The following TNKS2 variants were observed in gnomAD, a reference collection of about 807,000 sequenced individuals.
The protein encoded by TNKS2 is tankyrase 2, also known as poly [ADP-ribose] polymerase tankyrase-2.
TNKS2 carries 72 observed loss-of-function variants against 137.6 expected under a neutral mutation model. The ratio of observed to expected loss-of-function variants is 0.52; its 90% confidence interval spans 0.43 to 0.64. The LOEUF (loss-of-function observed/expected upper bound fraction) is 0.64. TNKS2 is among the 30% of genes least tolerant of loss of function. TNKS2 has a pLI of 0.00. For missense variants in TNKS2, 1,049 were observed against 1,410.2 expected, an observed-to-expected ratio of 0.74 and a Z score of 4.10; for synonymous variants, 516 against 512.1, an observed-to-expected ratio of 1.01 and a Z score of -0.10.
At chr10:91,823,329 T>G (rs1214082363) in intron 7 of TNKS2, among the ~76,000 whole-genome samples, 39,821 of 88,838 alleles carry the variant, frequency 0.45, 5,823 homozygotes, top group South Asian at 0.62. Context: ...GGTTTTTTTT[T>G]TTTTTTTTTT....
In TNKS2 at chr10:91,822,293, T is replaced by C. The variant is rs959016401; in HGVS notation, c.729-3T>C. The stretch of plus-strand genomic sequence containing the variant: ...CAGGATTTTCCCCCCCTTCTCATTG[T>C]AGTGATCTGGTACCATTACACAATG... On this transcript the variant is annotated splice_region_variant and splice_polypyrimidine_tract_variant and intron_variant, in intron 6 of 26. Transcript: ENST00000371627. 7 of 1,609,300 alleles carry C rather than the reference T, an allele frequency of 4.3e-6. No individual in the cohort carries two copies. Among genetic ancestry groups the C allele is most frequent in the South Asian group, 2.2e-5 (2 of 89,848 alleles).
chr10:91,836,966 G>A lies in TNKS2; in HGVS notation c.1495G>A (p.Ala499Thr). 1 of 1,613,424 alleles carries A rather than the reference G, an allele frequency of 6.2e-7. No homozygotes were observed. The highest frequency in any genetic ancestry group is 1.3e-5 in the African/African-American group (1 of 75,022). The stretch of plus-strand genomic sequence containing the variant: ...AGAGGCAGACAGACAATTGCTGGAA[G>A]CTGCAAAGGCTGGAGATGTCGAAAC... ...NSEADRQLLE[A>T]AKAGDVETVK... The change falls in exon 13 of 27, where the codon GCT becomes ACT. Residue 499 changes from alanine (A) to threonine (T), a missense_variant. By Grantham distance (58) the Ala-to-Thr change is moderately conservative. This residue lies in a region of TNKS2 where 328 missense variants were observed against 436.0 expected (regional missense o/e 0.75). Coordinates refer to ENST00000371627, the MANE Select transcript of TNKS2 (RefSeq NM_025235.4).
chr10:91,828,665 TTTA>T (rs1407321084), intron 9 of TNKS2, among the ~76,000 whole-genome samples: 1 of 152,234 alleles, frequency 6.6e-6, no homozygotes, highest in Non-Finnish European at 1.5e-5. Context: ...ATGTAATGCT[TTTA>T]TTATCATAAG....
Position 91,828,286 on chromosome 10 carries a change from T to C in TNKS2, c.984T>C (p.Tyr328=), listed in dbSNP as rs751108770. 1.3e-6 allele frequency: 2 copies of C among 1,570,006 alleles called. No homozygotes were observed. Among genetic ancestry groups the C allele is most frequent in the South Asian group, 2.4e-5 (2 of 83,782 alleles). ...TGTAAATGCTTTTTCTTCATCTAGA[T>C]GAATTTAAAGGCCACTCGTTGCTGC... ...PTPQLKERLA[Y]EFKGHSLLQA... Residue 328 remains tyrosine (Y), a splice_region_variant and synonymous_variant, in exon 9 of 27, where the codon TAT becomes TAC. Coordinates refer to ENST00000371627, the MANE Select transcript of TNKS2 (RefSeq NM_025235.4).
intron 20 of TNKS2, 127 bp from the exon 21 acceptor site, chr10:91,851,089 A>C (rs1281371861): frequency 6.3e-6 from 8 of 1,269,662 alleles, no homozygotes; most frequent in Non-Finnish European, 1.1e-6. Flanking sequence ...AAATGGAAAT[A>C]ATATTTTTAG....
intron 2 of TNKS2, among the ~76,000 whole-genome samples, chr10:91,815,907 A>G (rs7076687): frequency 0.51 from 77,160 of 149,934 alleles, 20,332 homozygotes; most frequent in East Asian, 0.72. Flanking sequence ...TCATAATAAT[A>G]CAAATAATAA....
chr10:91,819,883 C>A, intron 5 of TNKS2, 56 bp from the exon 6 acceptor site: 1 of 1,359,946 alleles, frequency 7.4e-7, no homozygotes, highest in Non-Finnish European at 1.0e-6. Context: ...TTCCCTCTCA[C>A]ACATTTTATT....
At chr10:91,812,798 C>T in intron 1 of TNKS2, 185 bp from the exon 2 acceptor site, 1 of 985,196 alleles carries the variant, frequency 1.0e-6, no homozygotes, top group Non-Finnish European at 1.2e-6. Context: ...AGTGGAGAGT[C>T]CCTCTGGCTT....
chr10:91,838,036 ATTTTTT>A (rs71025367), intron 13 of TNKS2, among the ~76,000 whole-genome samples: 2 of 51,190 alleles, frequency 3.9e-5, no homozygotes, highest in African/African-American at 7.9e-5. Flanking sequence ...CAATTAGCTG[ATTTTTT>A]TTTTTTTTTT....
intron 6 of TNKS2, among the ~76,000 whole-genome samples, chr10:91,820,257 A>T (rs1844845848): frequency 6.6e-6 from 1 of 152,220 alleles, no homozygotes; most frequent in African/African-American, 2.4e-5. Flanking sequence ...GATACCTAAG[A>T]ATACAATGAG....
intron 7 of TNKS2, among the ~76,000 whole-genome samples, chr10:91,826,145 T>A (rs1845061035): frequency 6.6e-6 from 1 of 152,222 alleles, no homozygotes; most frequent in South Asian, 2.1e-4. Context: ...GAAATTCACT[T>A]ACGTTTCATA....
rs1003099479 is a variant in TNKS2, at chr10:91,863,575, T to A, written c.*576T>A. On this transcript the variant is annotated 3_prime_UTR_variant, in exon 27 of 27. Transcript: ENST00000371627. ...ATTTGATTCCAGAGGCTATGTTCAGTTGTTAGTTGGGAAAGATTGAGTTAT... is the reference window on the plus strand; with the variant it reads ...ATTTGATTCCAGAGGCTATGTTCAGATGTTAGTTGGGAAAGATTGAGTTAT... 3 of 152,356 alleles carry A rather than the reference T, an allele frequency of 2.0e-5. No homozygotes were observed. The highest frequency in any genetic ancestry group is 7.2e-5 in the African/African-American group (3 of 41,458). 9.4% of individuals were successfully genotyped at this position (152,356 alleles called of 1,614,324 possible). A position where few individuals can be genotyped will look rare whatever the true frequency, so the allele number is the denominator to read the frequency against.
chr10:91,842,297 G>T lies in TNKS2; in HGVS notation c.1965G>T (p.Lys655Asn). 2 of 1,614,120 alleles carry T rather than the reference G, an allele frequency of 1.2e-6. No homozygotes were observed. The highest frequency in any genetic ancestry group is 1.7e-6 in the Non-Finnish European group (2 of 1,179,998). Residue 655 changes from lysine (K) to asparagine (N), a missense_variant, in exon 16 of 27, where the codon AAG becomes AAT. Lys to Asn is a moderately conservative substitution (Grantham distance 94). Around this residue, in one of 6 missense-constraint regions of TNKS2, gnomAD observed 328 missense variants for 436.0 expected, o/e 0.75. Transcript: ENST00000371627. ...GDAALLDAAK[K>N]GCLARVKKLS... ...CAGCTTTGCTAGATGCTGCCAAGAA[G>T]GGTTGTTTAGCCAGAGTGAAGAAGT...
rs1271671316 is a variant in TNKS2, at chr10:91,841,271, A to G, written c.1674-12A>G. ...TCTTCTGTGGCATTATTGTTCATTT[A>G]TTACTTTTCAGAGGCCTTGTACCTT... is the stretch of plus-strand genomic sequence containing the variant. On this transcript the variant is annotated splice_polypyrimidine_tract_variant and intron_variant, in intron 14 of 26. Coordinates refer to ENST00000371627, the MANE Select transcript of TNKS2 (RefSeq NM_025235.4). The G allele has an allele frequency of 6.6e-7, 1 of 1,510,080 alleles. No individual in the cohort carries two copies. The highest frequency in any genetic ancestry group is 2.3e-5 in the Admixed American group (1 of 42,924). The allele number at this position is 1,510,080 out of a possible 1,614,324, so 93.5% of individuals were successfully genotyped here.
intron 21 of TNKS2, among the ~76,000 whole-genome samples, chr10:91,854,595 G>T (rs554985237): frequency 6.6e-6 from 1 of 152,228 alleles, no homozygotes; most frequent in African/African-American, 2.4e-5. Flanking sequence ...ATCACACTAT[G>T]AAATGTTTTT....
chr10:91,823,853 G>A (rs768816152), intron 7 of TNKS2, among the ~76,000 whole-genome samples: 3 of 152,058 alleles, frequency 2.0e-5, no homozygotes, highest in East Asian at 1.9e-4. Flanking sequence ...TATGAAATAC[G>A]TTTTCCCATA....
In TNKS2 at chr10:91,848,531, C is replaced by G. The variant is rs528684073; in HGVS notation, c.2507C>G (p.Ser836Cys). ...SSGPSSPSSLSAASSLDNLSG... is the reference protein window; with the variant it reads ...SSGPSSPSSLCAASSLDNLSG... ...GGTCCATCTAGCCCATCAAGCCTTT[C>G]TGCAGCCAGCAGTCTTGACAACTTA... The change falls in exon 19 of 27, where the codon TCT becomes TGT. Residue 836 changes from serine to cysteine, a missense_variant. Physicochemically the swap from Ser to Cys is moderately radical, Grantham distance 112. Coordinates refer to ENST00000371627, the MANE Select transcript of TNKS2 (RefSeq NM_025235.4). The G allele has an allele frequency of 6.2e-7, 1 of 1,614,050 alleles. No homozygotes were observed. Among genetic ancestry groups the G allele is most frequent in the African/African-American group, 1.3e-5 (1 of 74,916 alleles).
At chr10:91,826,662 G>A (rs1334353670) in intron 7 of TNKS2, among the ~76,000 whole-genome samples, 1 of 152,138 alleles carries the variant, frequency 6.6e-6, no homozygotes, top group African/African-American at 2.4e-5. Context: ...TTGGGTGATG[G>A]TATCACAGAT....
intron 1 of TNKS2, among the ~76,000 whole-genome samples, chr10:91,805,666 A>G (rs1231566962): frequency 1.3e-5 from 2 of 152,212 alleles, no homozygotes; most frequent in Non-Finnish European, 2.9e-5. Flanking sequence ...TTAACCTGTG[A>G]GTCACCATTT....
Sources: gnomAD v4.1 joint callset for allele counts (sites outside exome capture counted in the v4.1 genomes callset) on GRCh38, gnomAD v4.1.1 for gene constraint, gnomAD v4.1.1 regional missense constraint, MANE v1.5 for transcripts, NCBI Gene and HGNC (gene_info 2026-07-23, HGNC 2026-07-21) for gene names.